PRKCE: variants seen among roughly 807,000 people sequenced by gnomAD.
PRKCE encodes protein kinase C epsilon.
A neutral mutation model predicts 85.4 loss-of-function variants in PRKCE; 16 were observed. That is an observed-to-expected ratio of 0.19 (90% CI 0.13 to 0.28). The LOEUF (loss-of-function observed/expected upper bound fraction) is 0.28, where lower values mean the gene tolerates loss of function less well. Ranked by LOEUF, PRKCE falls within the 10% of genes least tolerant of loss-of-function variation. The probability of loss-of-function intolerance (pLI) is 1.00; values close to 1 mark genes in which losing one functional copy is unlikely to be tolerated. For synonymous variants in PRKCE, 388 were observed against 371.5 expected (o/e 1.04, Z -0.51); for missense variants, 573 against 975.2 (o/e 0.59, Z 5.49).
chr2:46,076,375 A>G lies in PRKCE; in HGVS notation c.1438-9833A>G, dbSNP rs140740370. Among the ~76,000 whole-genome samples the G allele has an allele frequency of 4.6e-5, 7 of 152,290 alleles. No individual in the cohort carries two copies. In the East Asian group the frequency reaches 1.4e-3, roughly 29 times the overall value. ...AGTGTTCTCTGATCTATTGGACCAA[A>G]ACTTTTCTTCTTTCCCGTGGCTTTC... On this transcript the variant is annotated intron_variant, in intron 10 of 14. Coordinates refer to ENST00000306156, the MANE Select transcript of PRKCE (RefSeq NM_005400.3).
At chr2:46,039,698 G>A (rs984850140) in intron 10 of PRKCE, among the ~76,000 whole-genome samples, 8 of 152,166 alleles carry the variant, frequency 5.3e-5, no homozygotes, top group African/African-American at 1.4e-4. Context: ...GTCCTCTAAA[G>A]TGTTTTTCCT....
chr2:46,061,527 C>G (rs1437619008), intron 10 of PRKCE, among the ~76,000 whole-genome samples: 1 of 152,126 alleles, frequency 6.6e-6, no homozygotes, highest in Non-Finnish European at 1.5e-5. Context: ...GGCCAATGAC[C>G]TAGAGCAGTC....
intron 10 of PRKCE, among the ~76,000 whole-genome samples, chr2:46,020,061 G>T (rs144127463): frequency 0.024 from 3,592 of 152,118 alleles, 45 homozygotes; most frequent in Middle Eastern, 0.051. Context: ...TGTTGGCCAG[G>T]CTGGTCTCGA....
intron 1 of PRKCE, among the ~76,000 whole-genome samples, chr2:45,713,743 A>C (rs1026262003): frequency 1.3e-5 from 2 of 152,180 alleles, no homozygotes; most frequent in African/African-American, 4.8e-5. Context: ...TGAGAAGTGA[A>C]GATAAAACAC....
chr2:46,174,110 C>G (rs1375795640), intron 14 of PRKCE, among the ~76,000 whole-genome samples: 1 of 152,186 alleles, frequency 6.6e-6, no homozygotes, highest in African/African-American at 2.4e-5. Context: ...AGGAATGAAG[C>G]AACTTTCCCT....
At chr2:45,949,552 A>G (rs1449201292) in intron 2 of PRKCE, among the ~76,000 whole-genome samples, 1 of 149,728 alleles carries the variant, frequency 6.7e-6, no homozygotes, top group Non-Finnish European at 1.5e-5. Flanking sequence ...TCTTCTGTGC[A>G]GAAGTCTTAC....
At chr2:46,013,781 C>T (rs950851441) in intron 10 of PRKCE, among the ~76,000 whole-genome samples, 3 of 151,972 alleles carry the variant, frequency 2.0e-5, no homozygotes, top group African/African-American at 7.3e-5. Flanking sequence ...TTCAATATAT[C>T]GGAAAAAAAT....
chr2:45,903,861 T>C (rs1036000398), intron 2 of PRKCE, among the ~76,000 whole-genome samples: 1 of 151,396 alleles, frequency 6.6e-6, no homozygotes, highest in Non-Finnish European at 1.5e-5. Context: ...CATTTGTATA[T>C]GAGAGCTTGT....
At chr2:45,695,977 A>G (rs575801029) in intron 1 of PRKCE, among the ~76,000 whole-genome samples, 6 of 152,202 alleles carry the variant, frequency 3.9e-5, no homozygotes, top group South Asian at 2.1e-4. Flanking sequence ...TTTAGGGTAC[A>G]TGTGCACAAT....
At chr2:46,082,729 G>T (rs1353542721) in intron 10 of PRKCE, among the ~76,000 whole-genome samples, 3 of 152,190 alleles carry the variant, frequency 2.0e-5, no homozygotes, top group Non-Finnish European at 4.4e-5. Context: ...AGAAATTTAG[G>T]GGGGAAGCCT....
At chr2:46,084,215 G>A (rs1032071187) in intron 10 of PRKCE, among the ~76,000 whole-genome samples, 4 of 152,198 alleles carry the variant, frequency 2.6e-5, no homozygotes, top group Admixed American at 6.5e-5. Context: ...TGTGAATACC[G>A]GTAAAGATGG....
chr2:46,173,711 T>G (rs1679142884), intron 14 of PRKCE, among the ~76,000 whole-genome samples: 1 of 152,210 alleles, frequency 6.6e-6, no homozygotes, highest in Admixed American at 6.5e-5. Flanking sequence ...GGTGGCAACT[T>G]CTTTATAACA....
chr2:45,765,512 A>G (rs555683873), intron 1 of PRKCE, among the ~76,000 whole-genome samples: 40 of 152,330 alleles, frequency 2.6e-4, no homozygotes, highest in African/African-American at 9.1e-4. Context: ...TGCTGTGTGT[A>G]GCAATACCTT....
chr2:45,657,734 A>G (rs902299518), intron 1 of PRKCE, among the ~76,000 whole-genome samples: 1 of 152,220 alleles, frequency 6.6e-6, no homozygotes, highest in African/African-American at 2.4e-5. Flanking sequence ...TTTCAAAATG[A>G]TGGCACCCCT....
At chr2:45,659,827 C>A (rs1235247230) in intron 1 of PRKCE, among the ~76,000 whole-genome samples, 1 of 149,020 alleles carries the variant, frequency 6.7e-6, no homozygotes, top group Non-Finnish European at 1.5e-5. Context: ...TTCATATGCG[C>A]CTTTCCTGCC....
intron 1 of PRKCE, among the ~76,000 whole-genome samples, chr2:45,814,862 C>A (rs1208910158): frequency 6.6e-6 from 1 of 152,078 alleles, no homozygotes; most frequent in Non-Finnish European, 1.5e-5. Flanking sequence ...TCCTGATGAG[C>A]CCTTATTAGG....
chr2:45,761,116 A>G (rs1050529079), intron 1 of PRKCE, among the ~76,000 whole-genome samples: 32 of 152,114 alleles, frequency 2.1e-4, no homozygotes, highest in African/African-American at 7.7e-4. Flanking sequence ...TCACGAGGTC[A>G]GGAGATTGAG....
intron 11 of PRKCE, among the ~76,000 whole-genome samples, chr2:46,103,765 A>G (rs1187682824): frequency 3.9e-5 from 6 of 152,210 alleles, no homozygotes; most frequent in Non-Finnish European, 7.3e-5. Flanking sequence ...AGAAAATCAT[A>G]AGGAAGAGAA....
At chr2:45,787,221 C>CTCGG (rs1364485027) in intron 1 of PRKCE, among the ~76,000 whole-genome samples, 6 of 152,168 alleles carry the variant, frequency 3.9e-5, no homozygotes, top group Admixed American at 3.3e-4. Context: ...TGAGTGCAGG[C>CTCGG]TCGGAAGCTT....
Sources: allele counts gnomAD v4.1 joint callset (sites outside exome capture counted in the v4.1 genomes callset), GRCh38; gene constraint gnomAD v4.1.1; transcripts MANE v1.5; gene names NCBI Gene and HGNC (gene_info 2026-07-23, HGNC 2026-07-21).